The following TRPC4 variants were observed in gnomAD, a reference collection of about 807,000 sequenced individuals.
TRPC4 encodes transient receptor potential cation channel subfamily C member 4, also known as short transient receptor potential channel 4.
TRPC4 carries 49 observed loss-of-function variants against 99.4 expected under a neutral mutation model. The observed-to-expected ratio is 0.49, with a 90% confidence interval of 0.39 to 0.63. TRPC4 has a LOEUF of 0.63. Ranked by LOEUF, TRPC4 falls within the 20% of genes least tolerant of loss-of-function variation. The probability of loss-of-function intolerance (pLI) is 0.00; values close to 1 mark genes in which losing one functional copy is unlikely to be tolerated. For missense variants in TRPC4, 898 were observed against 1,152.9 expected, an observed-to-expected ratio of 0.78 and a Z score of 3.20; for synonymous variants, 454 against 425.9, an observed-to-expected ratio of 1.07 and a Z score of -0.81.
chr13:37,692,010 G>A lies in TRPC4; in HGVS notation c.1223C>T (p.Pro408Leu). ...PPTIVEWMIL[P>L]WVLGFIWGEI... Reference sequence around the variant, plus strand: ...AGTAACACATTTACCCAGGACCCACGGTAATATCATCCACTCGACGATGGT... The same window carrying A: ...AGTAACACATTTACCCAGGACCCACAGTAATATCATCCACTCGACGATGGT... Residue 408 changes from proline to leucine, a missense_variant, in exon 4 of 11, where the codon CCG (proline) becomes CTG (leucine). Pro to Leu is a moderately conservative substitution (Grantham distance 98). Around this residue, in one of 3 missense-constraint regions of TRPC4, gnomAD observed 274 missense variants for 454.9 expected, o/e 0.60. Coordinates refer to ENST00000379705, the MANE Select transcript of TRPC4 (RefSeq NM_016179.4). 1 of 1,613,148 alleles carries A rather than the reference G, an allele frequency of 6.2e-7. No homozygotes were observed. The highest frequency in any genetic ancestry group is 1.1e-5 in the South Asian group (1 of 91,048).
Position 37,669,866 on chromosome 13 carries a change from T to C in TRPC4, c.1374+4362A>G, listed in dbSNP as rs746136759. ...AATAAAGATCTTTCTTGCAAGTAGA[T>C]GGATTTCAAAAGTATGAATGTCATG... On this transcript the variant is annotated intron_variant, in intron 5 of 10. Transcript: ENST00000379705. 2.6e-5 allele frequency among the ~76,000 whole-genome samples: 4 copies of C among 152,244 alleles called. 1 individual carries two copies. In the South Asian group the frequency reaches 8.3e-4, roughly 32 times the overall value.
chr13:37,739,056 C>A (rs1955499087), intron 3 of TRPC4, among the ~76,000 whole-genome samples: 1 of 152,026 alleles, frequency 6.6e-6, no homozygotes, highest in South Asian at 2.1e-4. Context: ...ATATTAGAGG[C>A]AAGGTGTTCA....
chr13:37,780,114 G>T (rs1414439052), intron 2 of TRPC4, among the ~76,000 whole-genome samples: 1 of 152,172 alleles, frequency 6.6e-6, no homozygotes, highest in Non-Finnish European at 1.5e-5. Flanking sequence ...TCTGGAAATT[G>T]TTCCCCTGTG....
chr13:37,758,157 TAAAC>T (rs1956140798), intron 2 of TRPC4, among the ~76,000 whole-genome samples: 1 of 151,894 alleles, frequency 6.6e-6, no homozygotes, highest in Admixed American at 6.6e-5. Flanking sequence ...AAATGAGTAA[TAAAC>T]AAAAGGCTTG....
chr13:37,728,503 C>G (rs1209245814), intron 3 of TRPC4, among the ~76,000 whole-genome samples: 1 of 151,868 alleles, frequency 6.6e-6, no homozygotes, highest in African/African-American at 2.4e-5. Context: ...ACAATGAAAA[C>G]TATGAAACAT....
chr13:37,731,825 T>TCCCC (rs1168700490), intron 3 of TRPC4, among the ~76,000 whole-genome samples: 303 of 152,190 alleles, frequency 2.0e-3, no homozygotes, highest in African/African-American at 6.9e-3. Flanking sequence ...TACGTCCCTT[T>TCCCC]CCCCACCTCC....
At chr13:37,760,642 T>C (rs1956198811) in intron 2 of TRPC4, among the ~76,000 whole-genome samples, 1 of 152,000 alleles carries the variant, frequency 6.6e-6, no homozygotes, top group African/African-American at 2.4e-5. Flanking sequence ...AGGCTGTATG[T>C]GGCCCAGGAC....
intron 1 of TRPC4, among the ~76,000 whole-genome samples, chr13:37,846,821 C>G (rs1014756288): frequency 1.3e-5 from 2 of 151,974 alleles, no homozygotes; most frequent in Non-Finnish European, 2.9e-5. Flanking sequence ...AAGAGACTCA[C>G]TTTACTAGTA....
intron 3 of TRPC4, among the ~76,000 whole-genome samples, chr13:37,737,044 G>T (rs957971574): frequency 6.6e-6 from 1 of 151,500 alleles, no homozygotes; most frequent in East Asian, 1.9e-4. Flanking sequence ...ACTTCTTTTT[G>T]ATATTCAAAA....
chr13:37,691,755 A>G (rs1349577763), intron 4 of TRPC4, among the ~76,000 whole-genome samples: 1 of 152,226 alleles, frequency 6.6e-6, no homozygotes, highest in East Asian at 1.9e-4. Context: ...GTCGTGGAAT[A>G]TGAAGTCATT....
chr13:37,797,095 G>A (rs1957277576), intron 1 of TRPC4, among the ~76,000 whole-genome samples: 3 of 151,484 alleles, frequency 2.0e-5, no homozygotes, highest in African/African-American at 7.3e-5. Flanking sequence ...CAGGAGGATT[G>A]CTTTAGCCCA....
intron 3 of TRPC4, among the ~76,000 whole-genome samples, chr13:37,730,435 T>C (rs561665094): frequency 3.0e-4 from 46 of 152,130 alleles, no homozygotes; most frequent in African/African-American, 1.0e-3. Flanking sequence ...TGTTGATAAT[T>C]TCCAAAAAAA....
At chr13:37,742,784 T>C (rs1483640787) in intron 3 of TRPC4, among the ~76,000 whole-genome samples, 1 of 152,182 alleles carries the variant, frequency 6.6e-6, no homozygotes, top group Admixed American at 6.6e-5. Context: ...CAGAATTTTC[T>C]TTAAGGCACA....
In TRPC4 at chr13:37,779,434, C is replaced by T. The variant is rs145547607; in HGVS notation, c.378+3522G>A. On this transcript the variant is annotated intron_variant, in intron 2 of 10. Transcript: ENST00000379705. ...TTACTCTTCTCATTAAAAAAAAAAA[C>T]CCAACTAAATTCAATACCCTGATTT... Among the ~76,000 whole-genome samples the T allele has an allele frequency of 7.3e-5, 11 of 150,122 alleles. No homozygotes were observed. In the East Asian group the frequency reaches 2.2e-3, roughly 30 times the overall value.
At chr13:37,794,390 G>A (rs1957198271) in intron 1 of TRPC4, among the ~76,000 whole-genome samples, 1 of 152,096 alleles carries the variant, frequency 6.6e-6, no homozygotes, top group Non-Finnish European at 1.5e-5. Flanking sequence ...ATCAAGACTA[G>A]TAGGTAGAAA....
intron 2 of TRPC4, among the ~76,000 whole-genome samples, chr13:37,762,484 T>C (rs1418551015): frequency 6.6e-6 from 1 of 151,374 alleles, no homozygotes; most frequent in African/African-American, 2.4e-5. Flanking sequence ...CCAACAATGA[T>C]AGACTGGATT....
At chr13:37,830,803 GTATATA>G (rs148590771) in intron 1 of TRPC4, among the ~76,000 whole-genome samples, 6 of 146,142 alleles carry the variant, frequency 4.1e-5, no homozygotes, top group African/African-American at 1.5e-4. Flanking sequence ...TATATTTTTT[GTATATA>G]TATATATATA....
At chr13:37,818,601 C>T (rs576768403) in intron 1 of TRPC4, among the ~76,000 whole-genome samples, 1 of 152,232 alleles carries the variant, frequency 6.6e-6, no homozygotes, top group East Asian at 1.9e-4. Context: ...CACATATACA[C>T]CATGGAATAC....
intron 1 of TRPC4, among the ~76,000 whole-genome samples, chr13:37,796,979 T>TA (rs1957272472): frequency 6.8e-6 from 1 of 147,652 alleles, no homozygotes; most frequent in East Asian, 2.0e-4. Flanking sequence ...TAAAGTAAAG[T>TA]AAAGTAAAGT....
Sources: gnomAD v4.1 joint callset for allele counts (sites outside exome capture counted in the v4.1 genomes callset) on GRCh38, gnomAD v4.1.1 for gene constraint, gnomAD v4.1.1 regional missense constraint, MANE v1.5 for transcripts, NCBI Gene and HGNC (gene_info 2026-07-23, HGNC 2026-07-21) for gene names.